The following AGBL4 variants were observed in gnomAD, a reference collection of about 807,000 sequenced individuals.
AGBL4 encodes the protein AGBL carboxypeptidase 4.
AGBL4 carries 58 observed loss-of-function variants against 66.4 expected under a neutral mutation model. That is an observed-to-expected ratio of 0.87 (90% CI 0.71 to 1.09). The LOEUF (loss-of-function observed/expected upper bound fraction) is 1.09, where lower values mean the gene tolerates loss of function less well. AGBL4 is among the 50% of genes least tolerant of loss of function. The probability of loss-of-function intolerance (pLI) is 0.00; values close to 1 mark genes in which losing one functional copy is unlikely to be tolerated. For synonymous variants in AGBL4, 234 were observed against 222.9 expected (o/e 1.05, Z -0.44); for missense variants, 579 against 631.0 (o/e 0.92, Z 0.88).
chr1:49,707,720 C>T (rs1647321387), intron 2 of AGBL4, among the ~76,000 whole-genome samples: 1 of 152,060 alleles, frequency 6.6e-6, no homozygotes, highest in Admixed American at 6.6e-5. Context: ...TTAGTGCTTC[C>T]TTCAGGAGCT....
intron 3 of AGBL4, among the ~76,000 whole-genome samples, chr1:49,300,196 T>C (rs1644718876): frequency 6.6e-6 from 1 of 152,196 alleles, no homozygotes; most frequent in Non-Finnish European, 1.5e-5. Flanking sequence ...CGGAGTAACA[T>C]TTTTGATCTA....
At chr1:48,565,972 G>A (rs1011688565) in intron 11 of AGBL4, among the ~76,000 whole-genome samples, 2 of 152,076 alleles carry the variant, frequency 1.3e-5, no homozygotes, top group African/African-American at 4.8e-5. Flanking sequence ...ATCATACTAA[G>A]GATATCCTAG....
intron 3 of AGBL4, among the ~76,000 whole-genome samples, chr1:49,283,346 A>G (rs1432499553): frequency 1.3e-5 from 2 of 152,232 alleles, no homozygotes; most frequent in Admixed American, 1.3e-4. Flanking sequence ...AACAGAAAGG[A>G]CATCCACACC....
intron 4 of AGBL4, among the ~76,000 whole-genome samples, chr1:49,065,218 A>T (rs1459989783): frequency 2.0e-5 from 3 of 152,168 alleles, no homozygotes; most frequent in African/African-American, 7.2e-5. Flanking sequence ...TCAACTCCAG[A>T]GGCTAACACT....
intron 1 of AGBL4, among the ~76,000 whole-genome samples, chr1:49,999,583 T>C (rs1046332940): frequency 6.6e-6 from 1 of 151,978 alleles, no homozygotes; most frequent in African/African-American, 2.4e-5. Context: ...AAAACAATCC[T>C]AAAATTCACA....
At chr1:49,197,992 G>C (rs890699715) in intron 4 of AGBL4, among the ~76,000 whole-genome samples, 1 of 152,256 alleles carries the variant, frequency 6.6e-6, no homozygotes, top group South Asian at 2.1e-4. Context: ...ATTGAGAATG[G>C]TGTCCACACC....
rs1174590436 is a variant in AGBL4 at position 49,328,208 on chromosome 1, TA to T, written c.283-82345del. Reference sequence around the variant, plus strand: ...TTGCTAGACAGAAAATGATTAAAAATAAAAAAAGGCAATATTATCTTCCTGT... The same window carrying T: ...TTGCTAGACAGAAAATGATTAAAAATAAAAAAGGCAATATTATCTTCCTGT... On this transcript the variant is annotated intron_variant, in intron 3 of 13. Transcript: ENST00000371839. Among the ~76,000 whole-genome samples the T allele has an allele frequency of 4.6e-5, 7 of 152,076 alleles. No individual in the cohort carries two copies. In the East Asian group the frequency reaches 5.8e-4, roughly 13 times the overall value.
chr1:48,609,579 C>T (rs1181997155), intron 9 of AGBL4, among the ~76,000 whole-genome samples: 2 of 152,024 alleles, frequency 1.3e-5, no homozygotes, highest in African/African-American at 4.8e-5. Context: ...CATGCCACCG[C>T]ACCCAGATAA....
At chr1:50,023,516 G>T (rs1456193226) in intron 1 of AGBL4, among the ~76,000 whole-genome samples, 2 of 152,102 alleles carry the variant, frequency 1.3e-5, no homozygotes, top group African/African-American at 4.8e-5. Context: ...CCCCTTTCGG[G>T]CCCATGTTCT....
intron 3 of AGBL4, among the ~76,000 whole-genome samples, chr1:49,314,685 A>G (rs1473018561): frequency 6.6e-6 from 1 of 152,122 alleles, no homozygotes; most frequent in Non-Finnish European, 1.5e-5. Flanking sequence ...GTGCTGCAAT[A>G]AACATACGTG....
In AGBL4 at chr1:48,760,839, A is replaced by G. The variant is rs532710891; in HGVS notation, c.635-97598T>C. Reference sequence around the variant, plus strand: ...TTTCCAAAGTGAAGGCTGGAGACCAACTGGGGCACACAGCAAGAAAATGCA... The same window carrying G: ...TTTCCAAAGTGAAGGCTGGAGACCAGCTGGGGCACACAGCAAGAAAATGCA... On this transcript the variant is annotated intron_variant, in intron 6 of 13. Coordinates refer to ENST00000371839, the MANE Select transcript of AGBL4 (RefSeq NM_032785.4). 5.3e-5 allele frequency among the ~76,000 whole-genome samples: 8 copies of G among 152,304 alleles called. No homozygotes were observed. In the South Asian group the frequency reaches 1.7e-3, roughly 32 times the overall value.
At chr1:48,991,097 T>C (rs1660571230) in intron 5 of AGBL4, among the ~76,000 whole-genome samples, 1 of 152,194 alleles carries the variant, frequency 6.6e-6, no homozygotes, top group Non-Finnish European at 1.5e-5. Flanking sequence ...TATTGTTTAT[T>C]AACATCATTT....
At chr1:49,946,458 CATT>C (rs1035476372) in intron 1 of AGBL4, among the ~76,000 whole-genome samples, 2 of 151,964 alleles carry the variant, frequency 1.3e-5, no homozygotes, top group African/African-American at 4.8e-5. Context: ...CCTGAATGAT[CATT>C]GAGTCAACAA....
intron 3 of AGBL4, among the ~76,000 whole-genome samples, chr1:49,680,048 CCT>C (rs1646659596): frequency 7.2e-6 from 1 of 138,470 alleles, no homozygotes; most frequent in East Asian, 2.2e-4. Flanking sequence ...CTTCTTCTTC[CCT>C]TTTTTTTTTT....
At chr1:48,922,674 C>T (rs1001216236) in intron 5 of AGBL4, among the ~76,000 whole-genome samples, 2 of 152,126 alleles carry the variant, frequency 1.3e-5, no homozygotes, top group Non-Finnish European at 2.9e-5. Flanking sequence ...ACTTGAATAG[C>T]TATAAAATAA....
chr1:49,170,564 C>T (rs990419114), intron 4 of AGBL4, among the ~76,000 whole-genome samples: 1 of 143,772 alleles, frequency 7.0e-6, no homozygotes, highest in Non-Finnish European at 1.5e-5. Context: ...AATATGTTTA[C>T]ATTTAAATAT....
intron 4 of AGBL4, among the ~76,000 whole-genome samples, chr1:49,213,984 A>G: frequency 6.6e-6 from 1 of 152,154 alleles, no homozygotes; most frequent in East Asian, 1.9e-4. Context: ...TTGTATGCCA[A>G]GCACCTCTCT....
chr1:49,191,287 C>T (rs781383460), intron 4 of AGBL4, among the ~76,000 whole-genome samples: 63 of 152,198 alleles, frequency 4.1e-4, no homozygotes, highest in Non-Finnish European at 8.4e-4. Context: ...CCCACCACAC[C>T]GTGTACTTCT....
chr1:49,528,241 A>G (rs1650821395), intron 3 of AGBL4, among the ~76,000 whole-genome samples: 1 of 152,132 alleles, frequency 6.6e-6, no homozygotes, highest in Non-Finnish European at 1.5e-5. Flanking sequence ...AAAGGCTGAG[A>G]TAAGGAACAA....
Sources: gnomAD v4.1 joint callset for allele counts (sites outside exome capture counted in the v4.1 genomes callset) on GRCh38, gnomAD v4.1.1 for gene constraint, MANE v1.5 for transcripts, NCBI Gene and HGNC (gene_info 2026-07-23, HGNC 2026-07-21) for gene names.